The following GLYR1 variants were observed in gnomAD, a reference collection of about 807,000 sequenced individuals.
GLYR1 encodes glyoxylate reductase 1 homolog.
In GLYR1, 21 loss-of-function variants were observed where a neutral mutation model predicts 72.7. That is an observed-to-expected ratio of 0.29 (90% CI 0.20 to 0.42). The LOEUF is 0.42. Ranked by LOEUF, GLYR1 falls within the 10% of genes least tolerant of loss-of-function variation. The pLI is 1.00. For missense variants in GLYR1, 594 were observed against 712.1 expected, an observed-to-expected ratio of 0.83 and a Z score of 1.89; for synonymous variants, 392 against 270.2, an observed-to-expected ratio of 1.45 and a Z score of -4.42.
intron 7 of GLYR1, among the ~76,000 whole-genome samples, chr16:4,822,419 C>A (rs899694170): frequency 6.6e-6 from 1 of 151,966 alleles, no homozygotes; most frequent in African/African-American, 2.4e-5. Flanking sequence ...GAGACAGAGT[C>A]TTACGCTGTT....
At chr16:4,807,112 T>A (rs931036483) in intron 15 of GLYR1, among the ~76,000 whole-genome samples, 3 of 144,786 alleles carry the variant, frequency 2.1e-5, no homozygotes, top group African/African-American at 7.7e-5. Context: ...GGCCCCTTTT[T>A]TTTTTTTTTT....
chr16:4,823,843 T>C lies in GLYR1; in HGVS notation c.602A>G (p.Lys201Arg). The change falls in exon 6 of 16, where the codon AAA becomes AGA. Residue 201 changes from lysine to arginine, a missense_variant. Physicochemically the swap from Lys to Arg is conservative, Grantham distance 26. Transcript: ENST00000321919. The stretch of plus-strand genomic sequence containing the variant: ...TACCTCGCTTGCGGTTGGCTGCCAT[T>C]TAAACGCGGCCATCGGTCCGGCCAT... ...GMMAGPMAAFKWQPTASEPVK... is the reference protein window; with the variant it reads ...GMMAGPMAAFRWQPTASEPVK... 1.9e-6 allele frequency: 3 copies of C among 1,613,900 alleles called. No individual in the cohort carries two copies. Among genetic ancestry groups the C allele is most frequent in the Non-Finnish European group, 2.5e-6 (3 of 1,179,996 alleles).
intron 3 of GLYR1, among the ~76,000 whole-genome samples, chr16:4,838,139 T>G (rs2085285339): frequency 6.6e-6 from 1 of 151,976 alleles, no homozygotes; most frequent in Non-Finnish European, 1.5e-5. Context: ...ACAGGCCAAG[T>G]TCTTCAGAAA....
At chr16:4,843,583 A>T in intron 3 of GLYR1, 1 of 1,289,166 alleles carries the variant, frequency 7.8e-7, no homozygotes, top group South Asian at 1.2e-5. Context: ...CTTGTGATAG[A>T]GAAATGGGGC....
intron 5 of GLYR1, among the ~76,000 whole-genome samples, chr16:4,831,408 C>T (rs143330694): frequency 2.0e-4 from 30 of 152,338 alleles, no homozygotes; most frequent in Admixed American, 1.8e-3. Context: ...AGTAGACCTT[C>T]AGGCCCTCCA....
intron 12 of GLYR1, 46 bp from the exon 13 acceptor site, chr16:4,812,294 GCTCT>G: frequency 6.3e-7 from 1 of 1,580,968 alleles, no homozygotes; most frequent in Non-Finnish European, 8.6e-7. Context: ...CTCTCCCAGC[GCTCT>G]CTGGGCAGGA....
intron 12 of GLYR1, among the ~76,000 whole-genome samples, chr16:4,813,490 C>G (rs1031493275): frequency 4.6e-5 from 7 of 152,246 alleles, no homozygotes; most frequent in African/African-American, 1.7e-4. Flanking sequence ...TGGGTTGCTT[C>G]TCATCATAAG....
chr16:4,815,327 C>A (rs1025123821), intron 10 of GLYR1, among the ~76,000 whole-genome samples: 18 of 151,772 alleles, frequency 1.2e-4, no homozygotes, highest in African/African-American at 3.9e-4. Flanking sequence ...GATGGGCCTA[C>A]TATTTTCTAT....
At chr16:4,832,604 T>A (rs1216349687) in intron 4 of GLYR1, 170 bp downstream of exon 4, 2 of 792,156 alleles carry the variant, frequency 2.5e-6, no homozygotes, top group Non-Finnish European at 4.0e-6. Flanking sequence ...GTTAGCTGCA[T>A]GGAGTTTCAA....
At chr16:4,843,486 G>C (rs1245376617) in intron 3 of GLYR1, 1 of 1,277,430 alleles carries the variant, frequency 7.8e-7, no homozygotes, top group Non-Finnish European at 1.0e-6. Context: ...GGAGTTCTAA[G>C]AACATTCCCT....
chr16:4,830,630 A>G (rs1257553417), intron 5 of GLYR1, among the ~76,000 whole-genome samples: 2 of 151,968 alleles, frequency 1.3e-5, no homozygotes, highest in Non-Finnish European at 2.9e-5. Flanking sequence ...TCGTCACCCA[A>G]CTGTTGCTGC....
At position 4,811,765 on chromosome 16, in the gene GLYR1, C is replaced by G. The variant is rs757796810; in HGVS notation, c.1320G>C (p.Val440=). 2 of 1,613,990 alleles carry G rather than the reference C, an allele frequency of 1.2e-6. No individual in the cohort carries two copies. The highest frequency in any genetic ancestry group is 8.5e-7 in the Non-Finnish European group (1 of 1,179,942). ...CCATGAAGCTCCCTTGGACCATGTT[C>G]ACGATCAGCATCATCTTGGCTGCAT... ...VGNAAKMMLI[V]NMVQGSFMAT... Residue 440 remains valine, a synonymous_variant, in exon 14 of 16, where the codon GTG becomes GTC. Coordinates refer to ENST00000321919, the MANE Select transcript of GLYR1 (RefSeq NM_032569.4).
chr16:4,843,423 G>A, intron 3 of GLYR1: 1 of 1,176,862 alleles, frequency 8.5e-7, no homozygotes, highest in Non-Finnish European at 1.1e-6. Context: ...CCAAAGTACT[G>A]GGATTGCAGG....
At chr16:4,846,941 G>A (rs2086169425) in intron 1 of GLYR1, 1 of 474,438 alleles carries the variant, frequency 2.1e-6, no homozygotes, top group Admixed American at 4.3e-5. Flanking sequence ...CGCGGCACCG[G>A]CGGCTCCCTT....
intron 15 of GLYR1, 87 bp downstream of exon 15, chr16:4,811,083 T>TG (rs1218037677): frequency 3.4e-6 from 5 of 1,487,008 alleles, no homozygotes; most frequent in Non-Finnish European, 2.7e-6. Context: ...CTAGCCTGGG[T>TG]GACAGAGTGA....
At chr16:4,842,324 G>A (rs1257900973) in intron 3 of GLYR1, among the ~76,000 whole-genome samples, 1 of 151,596 alleles carries the variant, frequency 6.6e-6, no homozygotes, top group Non-Finnish European at 1.5e-5. Flanking sequence ...GGTTCTCATG[G>A]CTCTCCACTG....
intron 12 of GLYR1, among the ~76,000 whole-genome samples, 166 bp downstream of exon 12, chr16:4,813,571 C>T (rs772347160): frequency 1.2e-4 from 18 of 152,202 alleles, no homozygotes; most frequent in Non-Finnish European, 2.6e-4. Context: ...AGACTAGCTG[C>T]GGTTTGAAGG....
At chr16:4,805,713 C>A (rs947643232) in intron 15 of GLYR1, among the ~76,000 whole-genome samples, 1 of 152,096 alleles carries the variant, frequency 6.6e-6, no homozygotes, top group South Asian at 2.1e-4. Context: ...CGCAGTGGCT[C>A]ATGCCTGTAA....
intron 3 of GLYR1, among the ~76,000 whole-genome samples, chr16:4,844,793 G>C (rs1166282926): frequency 7.2e-5 from 11 of 152,162 alleles, no homozygotes; most frequent in Admixed American, 7.2e-4. Context: ...TTTGGAGTTG[G>C]GTAAAGAAAC....
Sources: allele counts gnomAD v4.1 joint callset (sites outside exome capture counted in the v4.1 genomes callset), GRCh38; gene constraint gnomAD v4.1.1; transcripts MANE v1.5; gene names NCBI Gene and HGNC (gene_info 2026-07-23, HGNC 2026-07-21).